Variants in CHN2 observed in about 807,000 individuals in gnomAD.
CHN2 encodes the protein chimerin 2, also known as beta-chimaerin.
Under a neutral mutation model 56.3 loss-of-function variants are expected in CHN2, and 35 were observed. That is an observed-to-expected ratio of 0.62 (90% CI 0.47 to 0.82). The LOEUF is 0.82. Ranked by LOEUF, CHN2 falls within the 40% of genes least tolerant of loss-of-function variation. The pLI is 0.00. For missense variants in CHN2, 491 were observed against 580.5 expected (o/e 0.85, Z 1.58); for synonymous variants, 210 against 212.8 (o/e 0.99, Z 0.12).
rs758876506 is a variant in CHN2, at chr7:29,451,865, T to C, written c.577-28414T>C. On this transcript the variant is annotated intron_variant, in intron 6 of 12. Transcript: ENST00000222792. Reference sequence around the variant, plus strand: ...TCTGAATCCCATTCCAGTGCTTTTTTAGTAGCCACTGATGTGACATCTCAT... The same window carrying C: ...TCTGAATCCCATTCCAGTGCTTTTTCAGTAGCCACTGATGTGACATCTCAT... 9.7e-4 allele frequency among the ~76,000 whole-genome samples: 148 copies of C among 152,292 alleles called. 2 individuals carry two copies. The highest frequency in any genetic ancestry group is 3.4e-3 in the Middle Eastern group (1 of 294).
rs553673957 is a variant in CHN2 at position 29,181,860 on chromosome 7, A to AG, written c.274+34907dup. Among the ~76,000 whole-genome samples the AG allele has an allele frequency of 2.5e-3, 387 of 152,098 alleles. 3 individuals are homozygous for AG. Among genetic ancestry groups the AG allele is most frequent in the Non-Finnish European group, 4.4e-3 (299 of 67,978 alleles). On this transcript the variant is annotated intron_variant, in intron 2 of 6. Transcript: ENST00000439384. ...CAGGCTGCTAAACTGCTAATTCCTA[A>AG]GGGGGGGAAAAGTACCTAAGTATTT...
At chr7:29,238,606 TACA>T (rs749639699) in intron 1 of CHN2, among the ~76,000 whole-genome samples, 7 of 152,222 alleles carry the variant, frequency 4.6e-5, no homozygotes, top group South Asian at 2.1e-4. Context: ...AGCTGAGAGT[TACA>T]ACAACAACAA....
intron 4 of CHN2, among the ~76,000 whole-genome samples, chr7:29,396,433 C>A (rs1477184012): frequency 8.3e-6 from 1 of 119,890 alleles, no homozygotes; most frequent in East Asian, 2.7e-4. Flanking sequence ...TGCACTCCAG[C>A]TTAGGCTACA....
At chr7:29,196,784 C>A (rs1257656443) in intron 1 of CHN2, among the ~76,000 whole-genome samples, 2 of 152,180 alleles carry the variant, frequency 1.3e-5, no homozygotes, top group African/African-American at 4.8e-5. Flanking sequence ...TGGTTTGAAA[C>A]AACACAGTAT....
rs1438943356 is a variant in CHN2, at chr7:29,354,678, T to C, written c.88+15T>C. ...GAAATCATACTGTGAGTACCTGAAA[T>C]GAAAATCTCCCCAGAAGTCGTTAGC... On this transcript the variant is annotated intron_variant, in intron 2 of 12. Transcript: ENST00000222792. 1 of 1,611,678 alleles carries C rather than the reference T, an allele frequency of 6.2e-7. No homozygotes were observed. The highest frequency in any genetic ancestry group is 1.7e-5 in the Admixed American group (1 of 59,926).
chr7:29,314,774 C>T (rs535774996), intron 1 of CHN2, among the ~76,000 whole-genome samples: 1 of 152,188 alleles, frequency 6.6e-6, no homozygotes, highest in South Asian at 2.1e-4. Flanking sequence ...AAATTACTTG[C>T]ATTTCCACTG....
At chr7:29,442,930 A>ATTTTTTTTTTTTT (rs1238691449) in intron 6 of CHN2, among the ~76,000 whole-genome samples, 24 of 102,158 alleles carry the variant, frequency 2.3e-4, no homozygotes, top group Non-Finnish European at 2.9e-4. Flanking sequence ...ATTTCATTGA[A>ATTTTTTTTTTTTT]TTTCTTTTTT....
intron 6 of CHN2, among the ~76,000 whole-genome samples, chr7:29,461,128 G>T (rs1238359007): frequency 6.6e-6 from 1 of 152,178 alleles, no homozygotes; most frequent in Non-Finnish European, 1.5e-5. Context: ...GAAACCACAT[G>T]TTTTGAGCAA....
At chr7:29,291,988 A>G (rs1792670488) in intron 1 of CHN2, among the ~76,000 whole-genome samples, 1 of 152,222 alleles carries the variant, frequency 6.6e-6, no homozygotes, top group Non-Finnish European at 1.5e-5. Flanking sequence ...CTCCTCCTAT[A>G]TTTTGGCTGT....
At chr7:29,462,960 G>T (rs570995903) in intron 6 of CHN2, among the ~76,000 whole-genome samples, 2 of 126,456 alleles carry the variant, frequency 1.6e-5, no homozygotes, top group African/African-American at 6.3e-5. Flanking sequence ...AGTTTATCCG[G>T]GTTCCCAAGG....
At chr7:29,471,088 A>G (rs999486057) in intron 6 of CHN2, among the ~76,000 whole-genome samples, 1 of 152,220 alleles carries the variant, frequency 6.6e-6, no homozygotes, top group African/African-American at 2.4e-5. Flanking sequence ...GATTTAACAA[A>G]TGTTCCATTC....
At chr7:29,344,763 G>T (rs3793281) in intron 1 of CHN2, among the ~76,000 whole-genome samples, 34,485 of 151,980 alleles carry the variant, frequency 0.23, 4,531 homozygotes, top group Non-Finnish European at 0.3. Flanking sequence ...TGCTCTTGAA[G>T]GACCCTGGAC....
chr7:29,290,701 C>G (rs553874204), intron 1 of CHN2, among the ~76,000 whole-genome samples: 1 of 152,202 alleles, frequency 6.6e-6, no homozygotes, highest in Non-Finnish European at 1.5e-5. Context: ...AAATGGATGA[C>G]CTGCCTGCAA....
intron 8 of CHN2, 127 bp downstream of exon 8, chr7:29,496,163 G>C (rs1789258393): frequency 1.6e-6 from 1 of 630,628 alleles, no homozygotes; most frequent in South Asian, 2.6e-5. Context: ...CAGGGTTCAA[G>C]GCCTGTCTGT....
At chr7:29,292,463 T>C (rs947119484) in intron 1 of CHN2, among the ~76,000 whole-genome samples, 8 of 152,252 alleles carry the variant, frequency 5.3e-5, no homozygotes, top group African/African-American at 1.4e-4. Context: ...TGAAATATTT[T>C]TCTACACTAC....
chr7:29,507,528 C>T (rs1790717030), intron 11 of CHN2, among the ~76,000 whole-genome samples, 163 bp downstream of exon 11: 1 of 152,212 alleles, frequency 6.6e-6, no homozygotes, highest in Non-Finnish European at 1.5e-5. Context: ...AGTTCAACAG[C>T]TGAGCTGAAC....
chr7:29,348,174 T>C (rs190321713), intron 1 of CHN2, among the ~76,000 whole-genome samples: 5 of 152,338 alleles, frequency 3.3e-5, no homozygotes, highest in African/African-American at 1.2e-4. Context: ...ACCTATTCCC[T>C]ATTGCCCCGA....
intron 1 of CHN2, among the ~76,000 whole-genome samples, chr7:29,264,027 C>CG (rs1241293574): frequency 6.7e-6 from 1 of 150,170 alleles, no homozygotes; most frequent in African/African-American, 2.5e-5. Context: ...GGGCAGGCCC[C>CG]GGGTGGGGGG....
chr7:29,243,983 C>A (rs1464637274), intron 1 of CHN2, among the ~76,000 whole-genome samples: 1 of 152,130 alleles, frequency 6.6e-6, no homozygotes. Flanking sequence ...CTGGATTGTT[C>A]TATTGTTAAC....
Sources: gnomAD v4.1 joint callset for allele counts (sites outside exome capture counted in the v4.1 genomes callset) on GRCh38, gnomAD v4.1.1 for gene constraint, MANE v1.5 for transcripts, NCBI Gene and HGNC (gene_info 2026-07-23, HGNC 2026-07-21) for gene names.